The following ZC2HC1B variants were observed in gnomAD, a reference collection of about 807,000 sequenced individuals.
The protein encoded by ZC2HC1B is zinc finger C2HC domain-containing protein 1B.
ZC2HC1B carries 36 observed loss-of-function variants against 31.0 expected under a neutral mutation model. The observed-to-expected ratio is 1.16, with a 90% CI of 0.89 to 1.54. The LOEUF (loss-of-function observed/expected upper bound fraction) is 1.54, where lower values mean the gene tolerates loss of function less well. Ranked by LOEUF, ZC2HC1B falls within the 40% of genes most tolerant of loss-of-function variation. ZC2HC1B has a pLI of 0.00. For synonymous variants in ZC2HC1B, 73 were observed against 88.0 expected, an observed-to-expected ratio of 0.83 and a Z score of 0.95; for missense variants, 260 against 268.6, an observed-to-expected ratio of 0.97 and a Z score of 0.22.
intron 1 of ZC2HC1B, among the ~76,000 whole-genome samples, chr6:143,882,086 T>A (rs1777474574): frequency 6.6e-6 from 1 of 151,910 alleles, no homozygotes; most frequent in Non-Finnish European, 1.5e-5. Flanking sequence ...CTTAGAGAAG[T>A]TGCCTACTTG....
chr6:143,875,770 A>G (rs1009488918), intron 1 of ZC2HC1B, among the ~76,000 whole-genome samples: 1 of 150,654 alleles, frequency 6.6e-6, no homozygotes, highest in Non-Finnish European at 1.5e-5. Context: ...AATCAACATT[A>G]TCTTGCCTGG....
Position 143,933,459 on chromosome 6 carries a change from T to C in ZC2HC1B, c.599-4190T>C, listed in dbSNP as rs138047954. ...GACCGGGTAGAGAAATACTATCAGGTGCAGGCAGGATTAGGTAGGTTTGAG... is the reference window on the plus strand; with the variant it reads ...GACCGGGTAGAGAAATACTATCAGGCGCAGGCAGGATTAGGTAGGTTTGAG... On this transcript the variant is annotated intron_variant, in intron 6 of 7. Transcript: ENST00000237275. The surrounding 1 kb of genome is among the most constrained non-coding windows in gnomAD (Gnocchi z 6.4). 1.3e-3 allele frequency among the ~76,000 whole-genome samples: 196 copies of C among 152,202 alleles called. No individual in the cohort carries two copies. The highest frequency in any genetic ancestry group is 4.2e-3 in the African/African-American group (173 of 41,536).
At chr6:143,936,062 T>C (rs2035552742) in intron 6 of ZC2HC1B, among the ~76,000 whole-genome samples, 1 of 152,192 alleles carries the variant, frequency 6.6e-6, no homozygotes, top group South Asian at 2.1e-4. Context: ...TTCAACTCTC[T>C]TGAGTAAAAT....
At chr6:143,890,892 G>A (rs1486043667) in intron 4 of ZC2HC1B, among the ~76,000 whole-genome samples, 2 of 152,046 alleles carry the variant, frequency 1.3e-5, no homozygotes, top group African/African-American at 4.8e-5. Context: ...CACTTTGGGA[G>A]GCCGAGGCAG....
In ZC2HC1B at chr6:143,885,814, A is replaced by G. The variant is rs1458416718; in HGVS notation, c.91-218A>G. Among the ~76,000 whole-genome samples, 1 of 152,238 alleles carries G rather than the reference A, an allele frequency of 6.6e-6. No homozygotes were observed. Among genetic ancestry groups the G allele is most frequent in the Non-Finnish European group, 1.5e-5 (1 of 68,036 alleles). On this transcript the variant is annotated intron_variant, in intron 2 of 7. Coordinates refer to ENST00000237275, the MANE Select transcript of ZC2HC1B (RefSeq NM_001013623.3). The surrounding 1 kb of genome is among the most constrained non-coding windows in gnomAD (Gnocchi z 4.2). ...AATTTGAAGTAAGTCTTTTAGCTAT[A>G]AAGGCATTTTATTGTCTTTGCTCAA...
intron 1 of ZC2HC1B, among the ~76,000 whole-genome samples, chr6:143,874,120 T>C (rs1367214506): frequency 6.6e-6 from 1 of 152,150 alleles, no homozygotes; most frequent in African/African-American, 2.4e-5. Flanking sequence ...CTACGTCATA[T>C]CTCTCAAGTT....
At position 143,864,491 on chromosome 6, in the gene ZC2HC1B, ACTG is replaced by A; in HGVS notation, c.-48_-46del. The A allele has an allele frequency of 6.5e-7, 1 of 1,548,900 alleles. No homozygotes were observed. The highest frequency in any genetic ancestry group is 8.7e-7 in the Non-Finnish European group (1 of 1,144,612). The stretch of plus-strand genomic sequence containing the variant: ...TCTTGACTAGTATGATGTTATCTGG[ACTG>A]GGCTGTAAAAATCTGTGAACACTGT... On this transcript the variant is annotated 5_prime_UTR_variant, in exon 1 of 8. Coordinates refer to ENST00000237275, the MANE Select transcript of ZC2HC1B (RefSeq NM_001013623.3).
chr6:143,901,245 TCTTCC>T, intron 5 of ZC2HC1B, among the ~76,000 whole-genome samples: 1 of 147,478 alleles, frequency 6.8e-6, no homozygotes, highest in African/African-American at 2.5e-5. Flanking sequence ...TTTCTTTCTT[TCTTCC>T]TTTTTTTTTT....
intron 1 of ZC2HC1B, among the ~76,000 whole-genome samples, chr6:143,878,271 A>T (rs780929669): frequency 5.3e-5 from 8 of 150,744 alleles, no homozygotes; most frequent in Non-Finnish European, 1.2e-4. Flanking sequence ...ATTTAGTGCC[A>T]CATTTTCCAC....
intron 1 of ZC2HC1B, among the ~76,000 whole-genome samples, chr6:143,879,710 G>C (rs989711159): frequency 1.3e-5 from 2 of 151,000 alleles, no homozygotes; most frequent in Non-Finnish European, 2.9e-5. Context: ...AGAATATCTG[G>C]TCAAAAGTAA....
rs1260585030 is a variant in ZC2HC1B at position 143,885,375 on chromosome 6, A to C, written c.91-657A>C. ...ATTAGTTTGAGACCTGGGAGGTTCC[A>C]TTTGCAGAGGGATCTCTAAATGTCA... On this transcript the variant is annotated intron_variant, in intron 2 of 7. Coordinates refer to ENST00000237275, the MANE Select transcript of ZC2HC1B (RefSeq NM_001013623.3). This position sits in a 1 kb window ranked among gnomAD's most constrained non-coding sequence, Gnocchi z 4.2. Among the ~76,000 whole-genome samples the C allele has an allele frequency of 1.3e-5, 2 of 152,168 alleles. No homozygotes were observed. The highest frequency in any genetic ancestry group is 4.8e-5 in the African/African-American group (2 of 41,448).
chr6:143,937,813 A>G lies in ZC2HC1B; in HGVS notation c.*14+80A>G, dbSNP rs114110313. ...TAAGAGAATGGATGCATAGTAAGCA[A>G]ACTGAAGAGACATCTGGACAAACTC... On this transcript the variant is annotated intron_variant, in intron 7 of 7. Transcript: ENST00000237275. 62 of 1,031,858 alleles carry G rather than the reference A, an allele frequency of 6.0e-5. No individual in the cohort carries two copies. In the African/African-American group the frequency reaches 8.2e-4, roughly 14 times the overall value. The allele number at this position is 1,031,858 out of a possible 1,614,324, so 63.9% of individuals were successfully genotyped here. A position where few individuals can be genotyped will look rare whatever the true frequency, so the allele number is the denominator to read the frequency against.
Position 143,868,106 on chromosome 6 carries a change from T to G in ZC2HC1B, c.28+3539T>G, listed in dbSNP as rs1040643332. On this transcript the variant is annotated intron_variant, in intron 1 of 7. Coordinates refer to ENST00000237275, the MANE Select transcript of ZC2HC1B (RefSeq NM_001013623.3). The surrounding 1 kb of genome is among the most constrained non-coding windows in gnomAD (Gnocchi z 4.2). ...TGTTTCCATTTCCAATTTTGCTTTT[T>G]GGGAATCTGAAGCCATCCTGATTGC... 6.6e-6 allele frequency among the ~76,000 whole-genome samples: 1 copy of G among 152,204 alleles called. No homozygotes were observed. Among genetic ancestry groups the G allele is most frequent in the Non-Finnish European group, 1.5e-5 (1 of 68,038 alleles).
chr6:143,877,232 ACT>A lies in ZC2HC1B; in HGVS notation c.29-7067_29-7066del, dbSNP rs1485032707. Among the ~76,000 whole-genome samples, 2 of 111,426 alleles carry A rather than the reference ACT, an allele frequency of 1.8e-5. 1 individual carries two copies. The highest frequency in any genetic ancestry group is 7.1e-5 in the African/African-American group (2 of 28,162). 73.1% of individuals were successfully genotyped at this position (111,426 alleles called of 152,430 possible). Reference sequence around the variant, plus strand: ...GAGATTTTCCTAATTTTATCTTTCAACTCTCTGTTGAGTTTTTCTCCTAAAGA... The same window carrying A: ...GAGATTTTCCTAATTTTATCTTTCAACTCTGTTGAGTTTTTCTCCTAAAGA... On this transcript the variant is annotated intron_variant, in intron 1 of 7. Coordinates refer to ENST00000237275, the MANE Select transcript of ZC2HC1B (RefSeq NM_001013623.3).
intron 6 of ZC2HC1B, among the ~76,000 whole-genome samples, chr6:143,936,070 A>T (rs1360573211): frequency 6.6e-6 from 1 of 152,182 alleles, no homozygotes; most frequent in Non-Finnish European, 1.5e-5. Context: ...TCTTGAGTAA[A>T]ATAAGCATTT....
chr6:143,882,355 T>TATATATATATATATATATATATATA (rs1777479999), intron 1 of ZC2HC1B, among the ~76,000 whole-genome samples: 1 of 138,482 alleles, frequency 7.2e-6, no homozygotes, highest in African/African-American at 2.9e-5. Context: ...TATATATATA[T>TATATATATATATATATATATATATA]ATATATATAT....
chr6:143,881,733 A>G (rs1415248369), intron 1 of ZC2HC1B: 2 of 152,076 alleles, frequency 1.3e-5, no homozygotes, highest in African/African-American at 4.8e-5. Context: ...ATACACAGAA[A>G]CAAACACTGC....
chr6:143,924,358 T>G lies in ZC2HC1B; in HGVS notation c.599-13291T>G, dbSNP rs1471916811. Among the ~76,000 whole-genome samples, 1 of 151,150 alleles carries G rather than the reference T, an allele frequency of 6.6e-6. No homozygotes were observed. Among genetic ancestry groups the G allele is most frequent in the Admixed American group, 6.6e-5 (1 of 15,164 alleles). On this transcript the variant is annotated intron_variant, in intron 6 of 7. Transcript: ENST00000237275. The surrounding 1 kb of genome is among the most constrained non-coding windows in gnomAD (Gnocchi z 5.2). ...GTGGAGTCTTTAGGTTTTATATATA[T>G]ATATATGTATTACATATATATATCC...
chr6:143,916,905 CG>C (rs1465131030), intron 6 of ZC2HC1B, among the ~76,000 whole-genome samples: 1 of 152,086 alleles, frequency 6.6e-6, no homozygotes, highest in Non-Finnish European at 1.5e-5. Context: ...TGGACTTTTG[CG>C]TTAATGCTGA....
Sources: gnomAD v4.1 joint callset for allele counts (sites outside exome capture counted in the v4.1 genomes callset) on GRCh38, gnomAD v4.1.1 for gene constraint, Gnocchi (gnomAD v3.1) non-coding constraint, MANE v1.5 for transcripts, NCBI Gene and HGNC (gene_info 2026-07-23, HGNC 2026-07-21) for gene names.